The following MTURN variants were observed in gnomAD, a reference collection of about 807,000 sequenced individuals.
MTURN encodes the protein maturin, neural progenitor differentiation regulator homolog.
Under a neutral mutation model 14.9 loss-of-function variants are expected in MTURN, and 7 were observed. The ratio of observed to expected loss-of-function variants is 0.47; its 90% CI spans 0.27 to 0.88. MTURN has a LOEUF of 0.88. Ranked by LOEUF, MTURN falls within the 40% of genes least tolerant of loss-of-function variation. The pLI is 0.14. For synonymous variants in MTURN, 69 were observed against 72.5 expected, an observed-to-expected ratio of 0.95 and a Z score of 0.25; for missense variants, 151 against 174.1, an observed-to-expected ratio of 0.87 and a Z score of 0.75.
In MTURN at chr7:30,158,967, A is replaced by G. The variant is rs1797329445; in HGVS notation, c.*1419A>G. ...CAGCAGAGGCCACAGAACTTATGGG[A>G]GTCTTGTATATCTTCCAGGCATGTC... On this transcript the variant is annotated 3_prime_UTR_variant, in exon 3 of 3. Coordinates refer to ENST00000324453, the MANE Select transcript of MTURN (RefSeq NM_152793.3). 3 of 152,082 alleles carry G rather than the reference A, an allele frequency of 2.0e-5. No homozygotes were observed. In the South Asian group the frequency reaches 6.2e-4, roughly 31 times the overall value. 9.4% of individuals were successfully genotyped at this position (152,082 alleles called of 1,614,324 possible).
Position 30,146,263 on chromosome 7 carries a change from C to T in MTURN, c.249C>T (p.His83=), listed in dbSNP as rs1188631542. Residue 83 remains histidine (H), a synonymous_variant, in exon 2 of 3, where the codon CAC becomes CAT. Transcript: ENST00000324453. Reference sequence around the variant, plus strand: ...CCTCCTGCGGCAAGAAGACGCTCCACGAAGTCCTGGAAAAAGTCTTCAAGT... The same window carrying T: ...CCTCCTGCGGCAAGAAGACGCTCCATGAAGTCCTGGAAAAAGTCTTCAAGT... ...YISSCGKKTL[H]EVLEKVFKSF... is the part of the protein sequence containing the mutation. 2.5e-6 allele frequency: 4 copies of T among 1,614,092 alleles called. No homozygotes were observed. Among genetic ancestry groups the T allele is most frequent in the East Asian group, 2.2e-5 (1 of 44,888 alleles).
intron 1 of MTURN, among the ~76,000 whole-genome samples, chr7:30,145,446 A>C (rs183420583): frequency 6.6e-6 from 1 of 152,216 alleles, no homozygotes; most frequent in Admixed American, 6.5e-5. Context: ...GTGAGTTAAG[A>C]TCATGCCACT....
intron 1 of MTURN, among the ~76,000 whole-genome samples, chr7:30,135,572 C>G (rs1265798539): frequency 1.3e-5 from 2 of 152,012 alleles, no homozygotes; most frequent in East Asian, 3.9e-4. Context: ...CTAAAGGCCA[C>G]TCCTCTCCCC....
intron 1 of MTURN, chr7:30,137,583 G>C (rs1035398793): frequency 2.1e-6 from 1 of 471,060 alleles, no homozygotes; most frequent in African/African-American, 2.0e-5. Context: ...GGGGTGGGCA[G>C]ATGATTCCTT....
In MTURN at chr7:30,158,279, T is replaced by A. The variant is rs548572281; in HGVS notation, c.*731T>A. 2 of 152,744 alleles carry A rather than the reference T, an allele frequency of 1.3e-5. No individual in the cohort carries two copies. The highest frequency in any genetic ancestry group is 4.1e-4 in the South Asian group (2 of 4,830). 9.5% of individuals were successfully genotyped at this position (152,744 alleles called of 1,614,324 possible). A position where few individuals can be genotyped will look rare whatever the true frequency, so the allele number is the denominator to read the frequency against. Reference sequence around the variant, plus strand: ...GAAAATATAGATGGGGTGAAAGATATAATGTATTGATTTTTAAAGCTGTTT... The same window carrying A: ...GAAAATATAGATGGGGTGAAAGATAAAATGTATTGATTTTTAAAGCTGTTT... On this transcript the variant is annotated 3_prime_UTR_variant, in exon 3 of 3. Coordinates refer to ENST00000324453, the MANE Select transcript of MTURN (RefSeq NM_152793.3).
chr7:30,142,554 TATTCTC>T (rs1797067223), intron 1 of MTURN, among the ~76,000 whole-genome samples: 1 of 152,204 alleles, frequency 6.6e-6, no homozygotes, highest in Non-Finnish European at 1.5e-5. Flanking sequence ...TGGAAATACA[TATTCTC>T]AGCTCACTGA....
Position 30,157,715 on chromosome 7 carries a change from T to A in MTURN, c.*167T>A. 2.4e-6 allele frequency: 1 copy of A among 418,124 alleles called. No individual in the cohort carries two copies. Among genetic ancestry groups the A allele is most frequent in the Non-Finnish European group, 4.2e-6 (1 of 235,382 alleles). 25.9% of individuals were successfully genotyped at this position (418,124 alleles called of 1,614,324 possible). A position where few individuals can be genotyped will look rare whatever the true frequency, so the allele number is the denominator to read the frequency against. On this transcript the variant is annotated 3_prime_UTR_variant, in exon 3 of 3. Coordinates refer to ENST00000324453, the MANE Select transcript of MTURN (RefSeq NM_152793.3). Reference sequence around the variant, plus strand: ...TTTAACGACCACAAAATATCTGTGATGAGCTTTGCTCAGAAGTGACCTGAA... The same window carrying A: ...TTTAACGACCACAAAATATCTGTGAAGAGCTTTGCTCAGAAGTGACCTGAA...
intron 1 of MTURN, chr7:30,137,652 G>C (rs145645362): frequency 2.1e-6 from 1 of 471,178 alleles, no homozygotes; most frequent in East Asian, 6.9e-5. Flanking sequence ...TGCCAACCTC[G>C]GGAGTTTTCC....
chr7:30,153,382 T>C (rs1176709411), intron 2 of MTURN, among the ~76,000 whole-genome samples: 2 of 152,156 alleles, frequency 1.3e-5, no homozygotes, highest in Non-Finnish European at 2.9e-5. Flanking sequence ...ACATTAGCAT[T>C]TCATATTGCA....
At chr7:30,135,427 G>C in intron 1 of MTURN, 129 bp downstream of exon 1, 1 of 761,870 alleles carries the variant, frequency 1.3e-6, no homozygotes, top group Non-Finnish European at 1.7e-6. Context: ...CGCGCCCCGC[G>C]CCCCGCGTGC....
At chr7:30,153,689 A>G (rs1797243804) in intron 2 of MTURN, among the ~76,000 whole-genome samples, 1 of 152,110 alleles carries the variant, frequency 6.6e-6, no homozygotes, top group South Asian at 2.1e-4. Flanking sequence ...AAGACAGTGC[A>G]TTTGCTGTGC....
chr7:30,136,689 C>G (rs10233683), intron 1 of MTURN, among the ~76,000 whole-genome samples: 40,109 of 152,082 alleles, frequency 0.26, 5,669 homozygotes, highest in African/African-American at 0.37. Flanking sequence ...GGGCATTCCA[C>G]AAGTGGCACT....
At chr7:30,139,644 A>G (rs1336727535) in intron 1 of MTURN, among the ~76,000 whole-genome samples, 1 of 152,246 alleles carries the variant, frequency 6.6e-6, no homozygotes, top group Non-Finnish European at 1.5e-5. Context: ...ACTTGAGACC[A>G]GAGGCCTGTC....
intron 2 of MTURN, among the ~76,000 whole-genome samples, chr7:30,153,481 G>GT (rs1797241123): frequency 6.6e-6 from 1 of 152,174 alleles, no homozygotes; most frequent in Admixed American, 6.5e-5. Flanking sequence ...AGTCTCCTGG[G>GT]TGGCCTGGTG....
At chr7:30,138,777 C>A (rs986459367) in intron 1 of MTURN, among the ~76,000 whole-genome samples, 1 of 152,188 alleles carries the variant, frequency 6.6e-6, no homozygotes. Context: ...AGCCCTTACC[C>A]TGGCCCCAAG....
chr7:30,149,653 G>A (rs1020210155), intron 2 of MTURN, among the ~76,000 whole-genome samples: 3 of 152,290 alleles, frequency 2.0e-5, no homozygotes, highest in Admixed American at 2.0e-4. Context: ...ACGTAAGGGA[G>A]GTTTGTTACA....
chr7:30,146,792 G>A (rs961551702), intron 2 of MTURN, among the ~76,000 whole-genome samples: 2 of 152,202 alleles, frequency 1.3e-5, no homozygotes, highest in African/African-American at 4.8e-5. Context: ...TCTCTGTTAT[G>A]AGCTACTGTT....
At chr7:30,144,099 C>T (rs1157688354) in intron 1 of MTURN, among the ~76,000 whole-genome samples, 2 of 152,176 alleles carry the variant, frequency 1.3e-5, no homozygotes, top group East Asian at 1.9e-4. Flanking sequence ...CCTCTGTCTC[C>T]CCCATCCTCC....
At chr7:30,135,405 G>A (rs1461774928) in intron 1 of MTURN, 107 bp downstream of exon 1, 3 of 1,057,772 alleles carry the variant, frequency 2.8e-6, no homozygotes, top group Middle Eastern at 3.0e-4. Context: ...CGCAGAGTGG[G>A]GGGCCGTAAC....
Sources: gnomAD v4.1 joint callset for allele counts (sites outside exome capture counted in the v4.1 genomes callset) on GRCh38, gnomAD v4.1.1 for gene constraint, MANE v1.5 for transcripts, NCBI Gene and HGNC (gene_info 2026-07-23, HGNC 2026-07-21) for gene names.